Variants in GPR155 observed in about 807,000 individuals in gnomAD.
The protein encoded by GPR155 is G protein-coupled receptor 155.
GPR155 carries 65 observed loss-of-function variants against 93.1 expected under a neutral mutation model. The ratio of observed to expected loss-of-function variants is 0.70; its 90% confidence interval spans 0.57 to 0.86. The LOEUF is 0.86. Ranked by LOEUF, GPR155 falls within the 40% of genes least tolerant of loss-of-function variation. The probability of loss-of-function intolerance (pLI) is 0.00; values close to 1 mark genes in which losing one functional copy is unlikely to be tolerated. For missense variants in GPR155, 838 were observed against 1,034.8 expected (o/e 0.81, Z 2.61); for synonymous variants, 319 against 360.1 (o/e 0.89, Z 1.29).
chr2:174,455,669 C>T (rs370649225), intron 10 of GPR155, among the ~76,000 whole-genome samples: 24 of 152,154 alleles, frequency 1.6e-4, no homozygotes, highest in Non-Finnish European at 2.6e-4. Flanking sequence ...GAGAACTCCA[C>T]GCCCTGAATG....
intron 14 of GPR155, 110 bp from the exon 15 acceptor site, chr2:174,440,145 AG>A: frequency 1.3e-6 from 1 of 790,036 alleles, no homozygotes; most frequent in Admixed American, 2.8e-5. Context: ...CGATCACCAA[AG>A]CTGTCATCTA....
chr2:174,454,762 A>G, intron 10 of GPR155, among the ~76,000 whole-genome samples: 1 of 141,808 alleles, frequency 7.1e-6, no homozygotes, highest in Non-Finnish European at 1.5e-5. Flanking sequence ...AAGGGAGAGG[A>G]AGGAAGGGAA....
chr2:174,485,368 G>A (rs1559124144), intron 1 of GPR155, among the ~76,000 whole-genome samples: 2 of 152,056 alleles, frequency 1.3e-5, no homozygotes, highest in Non-Finnish European at 2.9e-5. Context: ...AGGTCGAGGC[G>A]GGCGGATCAC....
Position 174,434,930 on chromosome 2 carries a change from T to C in GPR155, c.*1186A>G, listed in dbSNP as rs1559092325. 6.6e-6 allele frequency: 1 copy of C among 151,704 alleles called. No homozygotes were observed. The highest frequency in any genetic ancestry group is 1.5e-5 in the Non-Finnish European group (1 of 67,908). The allele number at this position is 151,704 out of a possible 1,614,324, so 9.4% of individuals were successfully genotyped here. On this transcript the variant is annotated 3_prime_UTR_variant, in exon 16 of 16. Transcript: ENST00000392552. ...AGGCGTGAGCCACTAAGCCTAGCCCTCTAGTTTTTAAATGAGTACTATTTG... is the reference window on the plus strand; with the variant it reads ...AGGCGTGAGCCACTAAGCCTAGCCCCCTAGTTTTTAAATGAGTACTATTTG...
chr2:174,441,984 G>A (rs1055603116), intron 14 of GPR155, 135 bp downstream of exon 14: 180 of 616,722 alleles, frequency 2.9e-4, no homozygotes, highest in Middle Eastern at 1.2e-3. Flanking sequence ...CTGAGTTCAA[G>A]CAATCTGCCC....
intron 11 of GPR155, among the ~76,000 whole-genome samples, chr2:174,447,400 T>A (rs1687168043): frequency 6.8e-6 from 1 of 146,566 alleles, no homozygotes; most frequent in Non-Finnish European, 1.5e-5. Flanking sequence ...ATATAATTTT[T>A]ATTTTATATA....
intron 12 of GPR155, among the ~76,000 whole-genome samples, chr2:174,446,358 T>C (rs1294263401): frequency 1.3e-5 from 2 of 149,292 alleles, no homozygotes; most frequent in Non-Finnish European, 3.0e-5. Flanking sequence ...TACCAAATTC[T>C]AGGTTCAGAG....
rs1232169631 is a variant in GPR155, at chr2:174,433,677, T to G, written c.*2439A>C. The stretch of plus-strand genomic sequence containing the variant: ...CCTTATAAGGGGCCAATGAGACCAG[T>G]TCTTCCCATCTACCATGTGGGGACA... On this transcript the variant is annotated 3_prime_UTR_variant, in exon 16 of 16. Transcript: ENST00000392552. 1 of 152,198 alleles carries G rather than the reference T, an allele frequency of 6.6e-6. No individual in the cohort carries two copies. The highest frequency in any genetic ancestry group is 1.5e-5 in the Non-Finnish European group (1 of 68,062). The allele number at this position is 152,198 out of a possible 1,614,324, so 9.4% of individuals were successfully genotyped here.
intron 10 of GPR155, among the ~76,000 whole-genome samples, chr2:174,455,646 G>A (rs1415731407): frequency 6.6e-6 from 1 of 152,140 alleles, no homozygotes; most frequent in African/African-American, 2.4e-5. Flanking sequence ...GGAGGAGGGG[G>A]ACCCTGCAGA....
intron 3 of GPR155, among the ~76,000 whole-genome samples, chr2:174,470,996 GAGAC>G (rs1687978770): frequency 6.8e-6 from 1 of 146,012 alleles, no homozygotes; most frequent in Non-Finnish European, 1.5e-5. Context: ...GTATTCTAGA[GAGAC>G]AGAAACTCCT....
chr2:174,447,327 A>T (rs530444932), intron 11 of GPR155, among the ~76,000 whole-genome samples: 35 of 148,054 alleles, frequency 2.4e-4, no homozygotes, highest in East Asian at 2.1e-3. Context: ...AAAAAAAATT[A>T]AAAAAAATAA....
intron 11 of GPR155, among the ~76,000 whole-genome samples, chr2:174,447,588 TA>T (rs1303671365): frequency 6.8e-6 from 1 of 146,048 alleles, no homozygotes; most frequent in Non-Finnish European, 1.5e-5. Flanking sequence ...CATATATAAA[TA>T]AAAATTTTAT....
chr2:174,476,867 C>G (rs1688182269), intron 2 of GPR155, among the ~76,000 whole-genome samples: 1 of 152,160 alleles, frequency 6.6e-6, no homozygotes, highest in African/African-American at 2.4e-5. Flanking sequence ...ACTACATTTC[C>G]CACCAAGTCT....
chr2:174,461,697 A>G (rs748525252), intron 7 of GPR155, 25 bp from the exon 8 acceptor site: 2 of 1,256,660 alleles, frequency 1.6e-6, no homozygotes, highest in African/African-American at 3.0e-5. Flanking sequence ...ATTGAAAGAG[A>G]GACAGTTACT....
intron 5 of GPR155, 55 bp from the exon 6 acceptor site, chr2:174,466,682 T>C: frequency 1.1e-6 from 1 of 899,270 alleles, no homozygotes; most frequent in Admixed American, 2.2e-5. Flanking sequence ...TATAATTACT[T>C]ATTAAATAAC....
rs1686748647 is a variant in GPR155 at position 174,435,467 on chromosome 2, T to TTATTTTATTG, written c.*648_*649insCAATAAAATA. 2 of 151,502 alleles carry TTATTTTATTG rather than the reference T, an allele frequency of 1.3e-5. No individual in the cohort carries two copies. Among genetic ancestry groups the TTATTTTATTG allele is most frequent in the Middle Eastern group, 3.4e-3 (1 of 292 alleles). The allele number at this position is 151,502 out of a possible 1,614,324, so 9.4% of individuals were successfully genotyped here. A position where few individuals can be genotyped will look rare whatever the true frequency, so the allele number is the denominator to read the frequency against. On this transcript the variant is annotated 3_prime_UTR_variant, in exon 16 of 16. Coordinates refer to ENST00000392552, the MANE Select transcript of GPR155 (RefSeq NM_152529.7). ...ATACTACACCATTTTATTAATTATT[T>TTATTTTATTG]TATTTTATTTTATTTTATTTTTGAG...
rs1688048934 is a variant in GPR155 at position 174,473,219 on chromosome 2, A to G, written c.606T>C (p.Asn202=). The change falls in exon 3 of 16, where the codon AAT becomes AAC. Residue 202 remains asparagine, a synonymous_variant. Transcript: ENST00000392552. ...GTCCGAGTCCCACAATTTTTATTTT[A>G]TTTTGAGAAGCATTTTGAGTGTCTT... ...KWKDTQNASQ[N]KIKIVGLGLL... 3 of 1,613,748 alleles carry G rather than the reference A, an allele frequency of 1.9e-6. No homozygotes were observed. Among genetic ancestry groups the G allele is most frequent in the African/African-American group, 2.7e-5 (2 of 74,902 alleles).
At chr2:174,475,724 T>G (rs1361691392) in intron 2 of GPR155, among the ~76,000 whole-genome samples, 1 of 152,226 alleles carries the variant, frequency 6.6e-6, no homozygotes, top group Non-Finnish European at 1.5e-5. Context: ...TTGATAACTA[T>G]TTTTAGATAA....
At chr2:174,457,811 C>T (rs754398841) in intron 10 of GPR155, among the ~76,000 whole-genome samples, 10 of 152,220 alleles carry the variant, frequency 6.6e-5, no homozygotes, top group East Asian at 5.8e-4. Context: ...ATTGCTGTGG[C>T]GTGACCATGG....
Sources: gnomAD v4.1 joint callset for allele counts (sites outside exome capture counted in the v4.1 genomes callset) on GRCh38, gnomAD v4.1.1 for gene constraint, MANE v1.5 for transcripts, NCBI Gene and HGNC (gene_info 2026-07-23, HGNC 2026-07-21) for gene names.